The following PLB1 variants were observed in gnomAD, a reference collection of about 807,000 sequenced individuals.
PLB1 encodes the protein phospholipase B1, also known as phospholipase B1, membrane-associated.
In PLB1, 242 loss-of-function variants were observed where a neutral mutation model predicts 227.4. The ratio of observed to expected loss-of-function variants is 1.06; its 90% confidence interval spans 0.96 to 1.18. PLB1 has a LOEUF of 1.18. PLB1 is among the 50% of genes most tolerant of loss of function. The pLI is 0.00. For synonymous variants in PLB1, 757 were observed against 682.2 expected (o/e 1.11, Z -1.71); for missense variants, 1,858 against 1,816.3 (o/e 1.02, Z -0.42).
rs188463716 is a variant in PLB1, at chr2:28,601,872, C to T, written c.2608-27C>T. 193 of 1,576,424 alleles carry T rather than the reference C, an allele frequency of 1.2e-4. No homozygotes were observed. The East Asian group carries it at 3.9e-3, about 32-fold the overall frequency. On this transcript the variant is annotated intron_variant, in intron 37 of 57. Transcript: ENST00000327757. ...GCCCTCCCACCCTAACCAGTTCCTC[C>T]TTTTCCTCCTTCCTGTCTCTTTCTA...
intron 54 of PLB1, among the ~76,000 whole-genome samples, chr2:28,631,152 C>CAA (rs56107032): frequency 5.9e-4 from 81 of 137,684 alleles, no homozygotes; most frequent in Middle Eastern, 3.8e-3. Context: ...GACCCTATCT[C>CAA]AAAAAAAAAA....
At chr2:28,604,181 G>C in intron 40 of PLB1, 134 bp downstream of exon 40, 1 of 800,300 alleles carries the variant, frequency 1.2e-6, no homozygotes, top group Non-Finnish European at 2.1e-6. Flanking sequence ...GAGCAGCCTG[G>C]GTGCCTTCCT....
intron 20 of PLB1, among the ~76,000 whole-genome samples, chr2:28,568,026 G>T (rs945924253): frequency 6.6e-6 from 1 of 152,112 alleles, no homozygotes; most frequent in African/African-American, 2.4e-5. Flanking sequence ...GGATGAGGGG[G>T]ACATCATAGC....
Position 28,644,090 on chromosome 2 carries a change from T to C in PLB1, c.*1029T>C, listed in dbSNP as rs1690234170. 1.3e-5 allele frequency among the ~76,000 whole-genome samples: 2 copies of C among 152,200 alleles called. No homozygotes were observed. The highest frequency in any genetic ancestry group is 4.1e-4 in the South Asian group (2 of 4,828). On this transcript the variant is annotated 3_prime_UTR_variant, in exon 58 of 58. Coordinates refer to ENST00000327757, the MANE Select transcript of PLB1 (RefSeq NM_153021.5). ...TTGTTCCATTTAAAATGATTAATTG[T>C]GTATCATGTGAATTTCACTTCAATA...
intron 56 of PLB1, among the ~76,000 whole-genome samples, chr2:28,635,100 G>A (rs1649679569): frequency 6.6e-6 from 1 of 152,066 alleles, no homozygotes; most frequent in African/African-American, 2.4e-5. Flanking sequence ...ACTGTCCATG[G>A]TTCCCCAGCC....
chr2:28,600,662 C>A, intron 35 of PLB1, 147 bp from the exon 36 acceptor site: 1 of 703,212 alleles, frequency 1.4e-6, no homozygotes, highest in African/African-American at 1.8e-5. Context: ...CCAGAAGAGG[C>A]AAGTCACTCC....
chr2:28,549,930 A>AG (rs1479485337), intron 15 of PLB1, 80 bp from the exon 16 acceptor site: 1 of 1,250,724 alleles, frequency 8.0e-7, no homozygotes, highest in African/African-American at 1.5e-5. Flanking sequence ...GGCCAAAAGC[A>AG]TCACTGGATG....
rs540637074 is a variant in PLB1, at chr2:28,548,862, G to A, written c.939G>A (p.Met313Ile). Residue 313 changes from methionine (M) to isoleucine (I), a missense_variant and splice_region_variant, in exon 15 of 58, where the codon ATG becomes ATA. By Grantham distance (10) the Met-to-Ile change is conservative. Transcript: ENST00000327757. ...CTAAAGCCCACGTTCCTTTCTAGAT[G>A]GAGCCAGCAGGAGAGAAAGATGAGC... ...TLAWHLWNRMMEPAGEKDEPL... is the reference protein window; with the variant it reads ...TLAWHLWNRMIEPAGEKDEPL... 3 of 1,614,106 alleles carry A rather than the reference G, an allele frequency of 1.9e-6. No homozygotes were observed. In the South Asian group the frequency reaches 3.3e-5, roughly 18 times the overall value.
At chr2:28,545,432 C>T (rs1316603321) in intron 14 of PLB1, among the ~76,000 whole-genome samples, 2 of 152,170 alleles carry the variant, frequency 1.3e-5, no homozygotes, top group East Asian at 3.9e-4. Context: ...TCAGAAGCTC[C>T]TGCAGACCCG....
chr2:28,566,873 TG>T lies in PLB1; in HGVS notation c.1324+38del, dbSNP rs779577036. Reference sequence around the variant, plus strand: ...GCGGCGGCGGCCGGGATGTTTGGTTTGGGGCGGCCCCTGCACGCTTCCCGCT... The same window carrying T: ...GCGGCGGCGGCCGGGATGTTTGGTTTGGGCGGCCCCTGCACGCTTCCCGCT... On this transcript the variant is annotated intron_variant, in intron 20 of 57. Transcript: ENST00000327757. The T allele has an allele frequency of 8.7e-6, 14 of 1,613,032 alleles. No homozygotes were observed. In the East Asian group the frequency reaches 2.9e-4, roughly 33 times the overall value.
intron 1 of PLB1, among the ~76,000 whole-genome samples, chr2:28,514,107 T>C (rs1033170929): frequency 6.6e-6 from 1 of 152,232 alleles, no homozygotes; most frequent in Non-Finnish European, 1.5e-5. Context: ...TTTAGAATGC[T>C]ACTATTTAAA....
chr2:28,619,243 C>T (rs1053064028), intron 46 of PLB1, among the ~76,000 whole-genome samples: 66 of 152,284 alleles, frequency 4.3e-4, no homozygotes, highest in African/African-American at 1.6e-3. Flanking sequence ...TCCCCTCCAC[C>T]TAGGACTTTT....
intron 9 of PLB1, 114 bp downstream of exon 9, chr2:28,532,308 AT>A: frequency 1.4e-6 from 1 of 691,890 alleles, no homozygotes; most frequent in Non-Finnish European, 2.4e-6. Context: ...AATGCCACCT[AT>A]TTTAGAACAT....
In PLB1 at chr2:28,573,309, A is replaced by C; in HGVS notation, c.1433+4A>C. ...CTGTGGCAGGAGGCCGAGCTGAGTA[A>C]GCAGGGGTGACCGGGGCGGTGAACA... On this transcript the variant is annotated splice_donor_region_variant and intron_variant, in intron 21 of 57. Coordinates refer to ENST00000327757, the MANE Select transcript of PLB1 (RefSeq NM_153021.5). 1 of 1,609,014 alleles carries C rather than the reference A, an allele frequency of 6.2e-7. No individual in the cohort carries two copies. Among genetic ancestry groups the C allele is most frequent in the Non-Finnish European group, 8.5e-7 (1 of 1,175,860 alleles).
intron 53 of PLB1, 36 bp from the exon 54 acceptor site, chr2:28,630,550 C>G: frequency 6.3e-7 from 1 of 1,582,256 alleles, no homozygotes; most frequent in Non-Finnish European, 8.7e-7. Flanking sequence ...CCACAGTGCC[C>G]CAGGCAGCCT....
intron 17 of PLB1, among the ~76,000 whole-genome samples, chr2:28,559,650 A>G (rs1389651938): frequency 6.7e-6 from 1 of 149,488 alleles, no homozygotes; most frequent in African/African-American, 2.5e-5. Flanking sequence ...TTCCACAGCC[A>G]TGATTTGGAT....
chr2:28,624,905 G>A, intron 49 of PLB1, 152 bp from the exon 50 acceptor site: 2 of 739,966 alleles, frequency 2.7e-6, no homozygotes, highest in Admixed American at 2.4e-5. Flanking sequence ...CCATGTGATT[G>A]TTACTAAGCT....
intron 50 of PLB1, 141 bp downstream of exon 50, chr2:28,625,249 C>A: frequency 1.3e-6 from 1 of 768,946 alleles, no homozygotes; most frequent in Non-Finnish European, 2.1e-6. Context: ...GCAGTCCTTA[C>A]CAAGGAGGCG....
Position 28,614,782 on chromosome 2 carries a change from T to C in PLB1, c.3195+686T>C, listed in dbSNP as rs375001465. ...GTCTCATGTTAGGGGCTAGAAGGCATGCAGAGAAGTATCGAACATGGTCCG... is the reference window on the plus strand; with the variant it reads ...GTCTCATGTTAGGGGCTAGAAGGCACGCAGAGAAGTATCGAACATGGTCCG... On this transcript the variant is annotated intron_variant, in intron 44 of 57. Transcript: ENST00000327757. Among the ~76,000 whole-genome samples the C allele has an allele frequency of 2.9e-3, 441 of 152,258 alleles. 2 individuals are homozygous for C. The highest frequency in any genetic ancestry group is 0.01 in the African/African-American group (417 of 41,532).
Sources: allele counts gnomAD v4.1 joint callset (sites outside exome capture counted in the v4.1 genomes callset), GRCh38; gene constraint gnomAD v4.1.1; transcripts MANE v1.5; gene names NCBI Gene and HGNC (gene_info 2026-07-23, HGNC 2026-07-21).